Variants in DOCK4 observed in about 807,000 individuals in gnomAD.
The protein encoded by DOCK4 is dedicator of cytokinesis protein 4.
A neutral mutation model predicts 268.1 loss-of-function variants in DOCK4; 97 were observed. That is an observed-to-expected ratio of 0.36 (90% confidence interval 0.31 to 0.43). The LOEUF is 0.43. Ranked by LOEUF, DOCK4 falls within the 20% of genes least tolerant of loss-of-function variation. DOCK4 has a pLI of 1.00. For missense variants in DOCK4, 2,145 were observed against 2,455.7 expected, an observed-to-expected ratio of 0.87 and a Z score of 2.67; for synonymous variants, 954 against 887.2, an observed-to-expected ratio of 1.08 and a Z score of -1.34.
intron 1 of DOCK4, among the ~76,000 whole-genome samples, chr7:112,052,688 G>A (rs762642492): frequency 8.6e-5 from 13 of 151,798 alleles, no homozygotes; most frequent in African/African-American, 1.2e-4. Context: ...TCACCCACCC[G>A]CAATAATGCT....
intron 1 of DOCK4, among the ~76,000 whole-genome samples, chr7:112,205,314 C>T (rs1300250510): frequency 6.6e-6 from 1 of 152,048 alleles, no homozygotes; most frequent in Non-Finnish European, 1.5e-5. Context: ...CTTTCCGATC[C>T]CCCTCCCCAT....
At chr7:112,139,625 C>A (rs1814701211) in intron 1 of DOCK4, among the ~76,000 whole-genome samples, 1 of 152,048 alleles carries the variant, frequency 6.6e-6, no homozygotes, top group Admixed American at 6.6e-5. Context: ...ACTTCTGTAG[C>A]CAAGCGTGAC....
At chr7:112,135,908 T>C (rs541000670) in intron 1 of DOCK4, among the ~76,000 whole-genome samples, 3 of 152,312 alleles carry the variant, frequency 2.0e-5, no homozygotes, top group South Asian at 4.1e-4. Context: ...TTGATTTCCT[T>C]CCACATTCTT....
At chr7:112,012,016 C>G (rs1051879557) in intron 1 of DOCK4, among the ~76,000 whole-genome samples, 12 of 151,678 alleles carry the variant, frequency 7.9e-5, no homozygotes, top group African/African-American at 2.4e-4. Flanking sequence ...CATTTGCTAG[C>G]CCACGATGAC....
chr7:111,807,379 A>G (rs1766190384), intron 30 of DOCK4: 1 of 152,240 alleles, frequency 6.6e-6, no homozygotes, highest in African/African-American at 2.4e-5. Context: ...CAGTCTCCAA[A>G]TAAGAAAACT....
At chr7:111,740,399 C>A (rs1002430496) in intron 47 of DOCK4, among the ~76,000 whole-genome samples, 1 of 150,618 alleles carries the variant, frequency 6.6e-6, no homozygotes, top group Non-Finnish European at 1.5e-5. Context: ...CTGCACCTAG[C>A]CAAATCATGT....
intron 8 of DOCK4, among the ~76,000 whole-genome samples, chr7:111,970,399 G>C (rs1017229881): frequency 6.6e-6 from 1 of 152,068 alleles, no homozygotes; most frequent in Non-Finnish European, 1.5e-5. Flanking sequence ...CCACTGTATA[G>C]AGTGTTACAA....
intron 52 of DOCK4, among the ~76,000 whole-genome samples, chr7:111,729,236 C>G (rs777046563): frequency 6.6e-6 from 1 of 152,182 alleles, no homozygotes; most frequent in African/African-American, 2.4e-5. Context: ...TTCAGTTCAC[C>G]GCCCAGTTTA....
chr7:112,025,085 A>G (rs777083500), intron 1 of DOCK4, among the ~76,000 whole-genome samples: 162 of 152,320 alleles, frequency 1.1e-3, no homozygotes, highest in Non-Finnish European at 2.0e-3. Context: ...AGACCAACCT[A>G]AAGTATTTAG....
intron 24 of DOCK4, among the ~76,000 whole-genome samples, chr7:111,846,683 T>G (rs1332880047): frequency 1.3e-5 from 2 of 152,184 alleles, no homozygotes; most frequent in Non-Finnish European, 2.9e-5. Flanking sequence ...AAGCAGTAAT[T>G]TATTCTTGCC....
chr7:111,817,316 C>T (rs60238944), intron 27 of DOCK4, among the ~76,000 whole-genome samples: 14,034 of 152,160 alleles, frequency 0.092, 2,070 homozygotes, highest in African/African-American at 0.31. Flanking sequence ...AAAAAAATCA[C>T]AATCAAAACA....
chr7:111,743,644 G>A (rs985089194), intron 44 of DOCK4, among the ~76,000 whole-genome samples: 1 of 152,072 alleles, frequency 6.6e-6, no homozygotes, highest in Non-Finnish European at 1.5e-5. Flanking sequence ...GGGTTCTCTG[G>A]GAAGTAGACT....
At chr7:111,739,073 G>C (rs1795707131) in intron 49 of DOCK4, 61 bp downstream of exon 49, 1 of 1,446,258 alleles carries the variant, frequency 6.9e-7, no homozygotes, top group East Asian at 2.3e-5. Flanking sequence ...TTTCTGCAGA[G>C]ATAGGTAAGC....
chr7:111,751,089 T>C (rs1016007928), intron 42 of DOCK4, among the ~76,000 whole-genome samples: 1 of 152,180 alleles, frequency 6.6e-6, no homozygotes, highest in African/African-American at 2.4e-5. Context: ...TGATCACCAG[T>C]GGCTGCCAAC....
At chr7:111,948,184 T>C (rs1795774433) in intron 8 of DOCK4, among the ~76,000 whole-genome samples, 1 of 152,214 alleles carries the variant, frequency 6.6e-6, no homozygotes, top group Non-Finnish European at 1.5e-5. Context: ...TCTCATTTTA[T>C]CCTCACTATG....
intron 1 of DOCK4, among the ~76,000 whole-genome samples, chr7:112,054,624 G>A (rs1805657145): frequency 6.6e-6 from 1 of 151,938 alleles, no homozygotes; most frequent in South Asian, 2.1e-4. Flanking sequence ...TTCAGTTCTT[G>A]TAGGGAGAAA....
chr7:111,835,732 T>C (rs937058796), intron 25 of DOCK4, among the ~76,000 whole-genome samples: 1 of 152,174 alleles, frequency 6.6e-6, no homozygotes, highest in Admixed American at 6.6e-5. Flanking sequence ...CTACAGACTT[T>C]ATAAGTAGAG....
At chr7:111,919,550 G>T (rs1200718834) in intron 12 of DOCK4, among the ~76,000 whole-genome samples, 5 of 152,168 alleles carry the variant, frequency 3.3e-5, no homozygotes, top group African/African-American at 1.2e-4. Flanking sequence ...CAACCTGAAG[G>T]TTTAGAGCAA....
intron 25 of DOCK4, among the ~76,000 whole-genome samples, chr7:111,835,739 A>G: frequency 6.6e-6 from 1 of 152,194 alleles, no homozygotes; most frequent in South Asian, 2.1e-4. Flanking sequence ...CTTTATAAGT[A>G]GAGACTAAAA....
Sources: gnomAD v4.1 joint callset for allele counts (sites outside exome capture counted in the v4.1 genomes callset) on GRCh38, gnomAD v4.1.1 for gene constraint, MANE v1.5 for transcripts, NCBI Gene and HGNC (gene_info 2026-07-23, HGNC 2026-07-21) for gene names.